Variants in KIFC1 observed in about 807,000 individuals in gnomAD.
The protein encoded by KIFC1 is kinesin-like protein KIFC1.
A neutral mutation model predicts 66.6 loss-of-function variants in KIFC1; 37 were observed. That is an observed-to-expected ratio of 0.56 (90% confidence interval 0.43 to 0.73). The LOEUF is 0.73. Ranked by LOEUF, KIFC1 falls within the 30% of genes least tolerant of loss-of-function variation. KIFC1 has a pLI of 0.00. For missense variants in KIFC1, 721 were observed against 859.8 expected (o/e 0.84, Z 2.02); for synonymous variants, 325 against 343.5 (o/e 0.95, Z 0.60).
In KIFC1 at chr6:33,401,906, C is replaced by T. The variant is rs1429350052; in HGVS notation, c.251-1408C>T. Among the ~76,000 whole-genome samples, 10 of 152,212 alleles carry T rather than the reference C, an allele frequency of 6.6e-5. No individual in the cohort carries two copies. The highest frequency in any genetic ancestry group is 6.2e-4 in the South Asian group (3 of 4,824). ...ATTTTTAGGAGAGACGGGGTTTCAC[C>T]GTGTTAGCCAGGATGGTCTCAATCT... On this transcript the variant is annotated intron_variant, in intron 3 of 10. Transcript: ENST00000428849. This position sits in a 1 kb window ranked among gnomAD's most constrained non-coding sequence, Gnocchi z 4.5.
In KIFC1 at chr6:33,400,796, T is replaced by G. The variant is rs1262091074; in HGVS notation, c.250+2409T>G. On this transcript the variant is annotated intron_variant, in intron 3 of 10. Coordinates refer to ENST00000428849, the MANE Select transcript of KIFC1 (RefSeq NM_002263.4). This position sits in a 1 kb window ranked among gnomAD's most constrained non-coding sequence, Gnocchi z 4.3. ...CGCGTAGCTGGGACTACAGGCGCCC[T>G]CCACCACACTTGGCTAATTTTGTTT... Among the ~76,000 whole-genome samples the G allele has an allele frequency of 3.3e-5, 5 of 151,994 alleles. No homozygotes were observed. The highest frequency in any genetic ancestry group is 1.9e-4 in the East Asian group (1 of 5,152).
upstream of KIFC1, chr6:33,391,799 C>A: frequency 1.4e-6 from 1 of 705,990 alleles, no homozygotes; most frequent in Non-Finnish European, 2.5e-6. Context: ...GTGCAGAGCG[C>A]GGTGAGAGTG....
At position 33,403,265 on chromosome 6, in the gene KIFC1, A is replaced by G; in HGVS notation, c.251-49A>G. Reference sequence around the variant, plus strand: ...CCCTGTCCTAGCAAGTGTACATGCCATCTTAAGAATGATCATTCTACCTTT... The same window carrying G: ...CCCTGTCCTAGCAAGTGTACATGCCGTCTTAAGAATGATCATTCTACCTTT... On this transcript the variant is annotated intron_variant, in intron 3 of 10. Transcript: ENST00000428849. The surrounding 1 kb of genome is among the most constrained non-coding windows in gnomAD (Gnocchi z 4.6). 5 of 1,529,992 alleles carry G rather than the reference A, an allele frequency of 3.3e-6. No homozygotes were observed. The highest frequency in any genetic ancestry group is 4.5e-6 in the Non-Finnish European group (5 of 1,104,944). 94.8% of individuals were successfully genotyped at this position (1,529,992 alleles called of 1,614,324 possible).
chr6:33,396,972 G>A (rs1277211188), intron 1 of KIFC1, among the ~76,000 whole-genome samples: 8 of 145,882 alleles, frequency 5.5e-5, no homozygotes, highest in African/African-American at 1.5e-4. Flanking sequence ...ATAAGCCACC[G>A]CGCCTGGCCA....
intron 10 of KIFC1, among the ~76,000 whole-genome samples, chr6:33,407,425 A>G (rs1411058930): frequency 1.3e-5 from 2 of 152,130 alleles, no homozygotes; most frequent in Non-Finnish European, 2.9e-5. Flanking sequence ...CCAACACACA[A>G]AAAATCCCTA....
Position 33,403,853 on chromosome 6 carries a change from G to A in KIFC1, c.480G>A (p.Leu160=), listed in dbSNP as rs1775499059. ...GGTGCCGTGAGAGGACTCAAACGTT[G>A]GACCAAGAGAACCAGCAGCTTCAGG... is the stretch of plus-strand genomic sequence containing the variant. ...LKRCRERTQT[L]DQENQQLQDQ... is the part of the protein sequence containing the mutation. Residue 160 remains leucine, a synonymous_variant, in exon 6 of 11, where the codon TTG becomes TTA. Coordinates refer to ENST00000428849, the MANE Select transcript of KIFC1 (RefSeq NM_002263.4). The surrounding 1 kb of genome is among the most constrained non-coding windows in gnomAD (Gnocchi z 4.6). 6.2e-7 allele frequency: 1 copy of A among 1,614,196 alleles called. No individual in the cohort carries two copies. Among genetic ancestry groups the A allele is most frequent in the Non-Finnish European group, 8.5e-7 (1 of 1,180,048 alleles).
In KIFC1 at chr6:33,409,713, G is replaced by A; in HGVS notation, c.*23G>A. 2 of 629,330 alleles carry A rather than the reference G, an allele frequency of 3.2e-6. No homozygotes were observed. Among genetic ancestry groups the A allele is most frequent in the Non-Finnish European group, 4.9e-6 (2 of 406,172 alleles). 39.0% of individuals were successfully genotyped at this position (629,330 alleles called of 1,614,324 possible). ...TGAAGACGGATCCAGATCTGTGTGT[G>A]TGTGTGTGTGTGTGTGTGTGTGTGT... On this transcript the variant is annotated 3_prime_UTR_variant, in exon 11 of 11. Transcript: ENST00000428849.
Position 33,405,042 on chromosome 6 carries a change from G to C in KIFC1, c.947G>C (p.Arg316Pro). The change falls in exon 7 of 11, where the codon CGG becomes CCG. Residue 316 changes from arginine to proline, a missense_variant. Transcript: ENST00000428849. This position sits in a 1 kb window ranked among gnomAD's most constrained non-coding sequence, Gnocchi z 5.4. ...ELKGNIRVFCRVRPVLPGEPT... is the reference protein window; with the variant it reads ...ELKGNIRVFCPVRPVLPGEPT... ...AAGGGCAACATCCGTGTATTCTGCC[G>C]GGTCCGCCCTGTCCTGCCGGGGGAG... The C allele has an allele frequency of 6.2e-7, 1 of 1,614,062 alleles. No individual in the cohort carries two copies. The highest frequency in any genetic ancestry group is 8.5e-7 in the Non-Finnish European group (1 of 1,179,978).
chr6:33,409,733 GTGTGTGTGTGTGTGTGTGTGTCCCTA>G lies in KIFC1; in HGVS notation c.*47_*72del. ...TGTGTGTGTGTGTGTGTGTGTGTGT[GTGTGTGTGTGTGTGTGTGTGTCCCTA>G]TGTCTATGTATCGGGTGAGGGGTGG... On this transcript the variant is annotated 3_prime_UTR_variant, in exon 11 of 11. Coordinates refer to ENST00000428849, the MANE Select transcript of KIFC1 (RefSeq NM_002263.4). 5.2e-6 allele frequency: 7 copies of G among 1,336,222 alleles called. No homozygotes were observed. The highest frequency in any genetic ancestry group is 7.4e-6 in the Non-Finnish European group (7 of 941,912). 82.8% of individuals were successfully genotyped at this position (1,336,222 alleles called of 1,614,324 possible).
At chr6:33,407,091 A>T (rs755957982) in intron 10 of KIFC1, 161 of 518,490 alleles carry the variant, frequency 3.1e-4, no homozygotes, top group African/African-American at 1.6e-3. Context: ...AAAGCTGATT[A>T]AAAAAAAAAG....
At chr6:33,402,174 T>C (rs1481436748) in intron 3 of KIFC1, among the ~76,000 whole-genome samples, 1 of 152,234 alleles carries the variant, frequency 6.6e-6, no homozygotes, top group East Asian at 1.9e-4. Flanking sequence ...TAATTATATG[T>C]GTTATACTTT....
Position 33,406,304 on chromosome 6 carries a change from G to A in KIFC1, c.1645G>A (p.Glu549Lys), listed in dbSNP as rs1280169059. 1 of 1,614,242 alleles carries A rather than the reference G, an allele frequency of 6.2e-7. No homozygotes were observed. Among genetic ancestry groups the A allele is most frequent in the East Asian group, 2.2e-5 (1 of 44,890 alleles). The change falls in exon 8 of 11, where the codon GAG becomes AAG. Residue 549 changes from glutamate (E) to lysine (K), a missense_variant. Transcript: ENST00000428849. The surrounding 1 kb of genome is among the most constrained non-coding windows in gnomAD (Gnocchi z 4.5). Reference sequence around the variant, plus strand: ...TGTATTCCAGCTACAGATTTCTGGGGAGCACTCCAGCCGAGGCCTGCAGTG... The same window carrying A: ...TGTATTCCAGCTACAGATTTCTGGGAAGCACTCCAGCCGAGGCCTGCAGTG... ...HSVFQLQISGEHSSRGLQCGA... is the reference protein window; with the variant it reads ...HSVFQLQISGKHSSRGLQCGA...
At chr6:33,392,287 C>T (rs1021740248) in intron 1 of KIFC1, among the ~76,000 whole-genome samples, 2 of 152,202 alleles carry the variant, frequency 1.3e-5, no homozygotes, top group Non-Finnish European at 2.9e-5. Flanking sequence ...TTCTCAGGCT[C>T]GTCTGACACA....
chr6:33,400,218 A>G lies in KIFC1; in HGVS notation c.250+1831A>G. The G allele has an allele frequency of 1.3e-6, 2 of 1,561,994 alleles. No individual in the cohort carries two copies. The highest frequency in any genetic ancestry group is 2.2e-5 in the South Asian group (2 of 90,314). On this transcript the variant is annotated intron_variant, in intron 3 of 10. Coordinates refer to ENST00000428849, the MANE Select transcript of KIFC1 (RefSeq NM_002263.4). The surrounding 1 kb of genome is among the most constrained non-coding windows in gnomAD (Gnocchi z 4.3). Reference sequence around the variant, plus strand: ...CTAAGGATCGGTGCCGCATCTGTCGAGCAATGTTGACGATCTCATCAAAAG... The same window carrying G: ...CTAAGGATCGGTGCCGCATCTGTCGGGCAATGTTGACGATCTCATCAAAAG...
At position 33,403,774 on chromosome 6, in the gene KIFC1, G is replaced by A. The variant is rs767111043; in HGVS notation, c.401G>A (p.Arg134His). Residue 134 changes from arginine (R) to histidine (H), a missense_variant, in exon 6 of 11, where the codon CGT becomes CAT. Arg to His is a conservative substitution (Grantham distance 29). Transcript: ENST00000428849. The surrounding 1 kb of genome is among the most constrained non-coding windows in gnomAD (Gnocchi z 4.6). ...PMAGGKKPSK[R>H]PAWDLKGQLC... Reference sequence around the variant, plus strand: ...GCAGGAGGGAAGAAACCCAGCAAACGTCCAGCCTGGGACTTAAAGGGTCAG... The same window carrying A: ...GCAGGAGGGAAGAAACCCAGCAAACATCCAGCCTGGGACTTAAAGGGTCAG... 14 of 1,613,918 alleles carry A rather than the reference G, an allele frequency of 8.7e-6. No homozygotes were observed. The highest frequency in any genetic ancestry group is 1.0e-5 in the Non-Finnish European group (12 of 1,179,980).
rs1397307525 is a variant in KIFC1, at chr6:33,404,804, C to T, written c.757-48C>T. On this transcript the variant is annotated intron_variant, in intron 6 of 10. Transcript: ENST00000428849. This position sits in a 1 kb window ranked among gnomAD's most constrained non-coding sequence, Gnocchi z 4.0. ...ATACGCCCCACAGTTTGTTCTTCTT[C>T]TTGGTTGCATCTTACCCTCTGTGTA... is the stretch of plus-strand genomic sequence containing the variant. 7.9e-6 allele frequency: 12 copies of T among 1,527,060 alleles called. No individual in the cohort carries two copies. The highest frequency in any genetic ancestry group is 1.3e-5 in the South Asian group (1 of 79,556). The allele number at this position is 1,527,060 out of a possible 1,614,324, so 94.6% of individuals were successfully genotyped here.
In KIFC1 at chr6:33,400,932, G is replaced by C. The variant is rs765151025; in HGVS notation, c.251-2382G>C. ...TTCCCAAAGTGTTGGGATTACAGGC[G>C]TGAGCCACTGCGCCCGGCTAACTTT... On this transcript the variant is annotated intron_variant, in intron 3 of 10. Coordinates refer to ENST00000428849, the MANE Select transcript of KIFC1 (RefSeq NM_002263.4). This position sits in a 1 kb window ranked among gnomAD's most constrained non-coding sequence, Gnocchi z 4.3. Among the ~76,000 whole-genome samples, 2 of 151,656 alleles carry C rather than the reference G, an allele frequency of 1.3e-5. No homozygotes were observed. The highest frequency in any genetic ancestry group is 2.9e-5 in the Non-Finnish European group (2 of 67,890).
In KIFC1 at chr6:33,403,412, G is replaced by A. The variant is rs186515455; in HGVS notation, c.304+45G>A. The A allele has an allele frequency of 6.2e-7, 1 of 1,611,198 alleles. No individual in the cohort carries two copies. The highest frequency in any genetic ancestry group is 2.2e-5 in the East Asian group (1 of 44,872). ...GGGTCTGAGAAGGGATTTGGGGTAT[G>A]TGTAAAGGGAGAATGATGGAGGTGG... On this transcript the variant is annotated intron_variant, in intron 4 of 10. Transcript: ENST00000428849. The surrounding 1 kb of genome is among the most constrained non-coding windows in gnomAD (Gnocchi z 4.6).
intron 1 of KIFC1, among the ~76,000 whole-genome samples, chr6:33,396,436 C>CTTTTTTTTT (rs199749552): frequency 1.4e-4 from 16 of 116,260 alleles, no homozygotes; most frequent in East Asian, 2.8e-4. Flanking sequence ...CTTTTCTTTT[C>CTTTTTTTTT]TTTTTTTTTT....
Sources: allele counts gnomAD v4.1 joint callset (sites outside exome capture counted in the v4.1 genomes callset), GRCh38; gene constraint gnomAD v4.1.1; non-coding constraint Gnocchi (gnomAD v3.1); transcripts MANE v1.5; gene names NCBI Gene and HGNC (gene_info 2026-07-23, HGNC 2026-07-21).